Variants in HIPK2 observed in about 807,000 individuals in gnomAD.
The protein encoded by HIPK2 is homeodomain interacting protein kinase 2.
A neutral mutation model predicts 113.7 loss-of-function variants in HIPK2; 27 were observed. The ratio of observed to expected loss-of-function variants is 0.24; its 90% CI spans 0.17 to 0.33. The LOEUF (loss-of-function observed/expected upper bound fraction) is 0.33, where lower values mean the gene tolerates loss of function less well. HIPK2 is among the 10% of genes least tolerant of loss of function. HIPK2 has a pLI of 1.00. For synonymous variants in HIPK2, 631 were observed against 642.2 expected, an observed-to-expected ratio of 0.98 and a Z score of 0.26; for missense variants, 1,257 against 1,588.0, an observed-to-expected ratio of 0.79 and a Z score of 3.54.
chr7:139,623,934 T>C (rs1800331398), intron 6 of HIPK2, among the ~76,000 whole-genome samples: 1 of 152,130 alleles, frequency 6.6e-6, no homozygotes, highest in African/African-American at 2.4e-5. Context: ...AGACGTAGGA[T>C]GTGATTATTT....
chr7:139,726,961 AT>A (rs1451236417), intron 1 of HIPK2, among the ~76,000 whole-genome samples: 1 of 152,222 alleles, frequency 6.6e-6, no homozygotes, highest in Non-Finnish European at 1.5e-5. Context: ...TTTGGGGCAG[AT>A]TTTGTTTTAG....
chr7:139,681,147 C>T (rs1802686094), intron 2 of HIPK2, among the ~76,000 whole-genome samples: 1 of 152,222 alleles, frequency 6.6e-6, no homozygotes, highest in Non-Finnish European at 1.5e-5. Flanking sequence ...TCTGATGGAG[C>T]CTACAAGTTG....
chr7:139,728,391 C>G (rs143445600), intron 1 of HIPK2, among the ~76,000 whole-genome samples: 2,202 of 152,328 alleles, frequency 0.014, 29 homozygotes, highest in South Asian at 0.022. Flanking sequence ...GAGTCCAAGA[C>G]CAAGGTGTCA....
chr7:139,596,622 G>A, intron 12 of HIPK2, 95 bp downstream of exon 12: 1 of 1,494,976 alleles, frequency 6.7e-7, no homozygotes. Context: ...CAGAAGAGAG[G>A]GATCCTTATG....
intron 1 of HIPK2, among the ~76,000 whole-genome samples, chr7:139,729,376 A>G (rs1055330151): frequency 2.5e-5 from 3 of 121,346 alleles, no homozygotes; most frequent in South Asian, 2.3e-4. Flanking sequence ...AGAGAGAGAG[A>G]GAGAGAGAAT....
At position 139,756,415 on chromosome 7, in the gene HIPK2, TTTTG is replaced by T. The variant is rs539978475; in HGVS notation, c.19+21186_19+21189del. 6.6e-4 allele frequency among the ~76,000 whole-genome samples: 101 copies of T among 152,330 alleles called. No individual in the cohort carries two copies. The South Asian group carries it at 7.0e-3, about 11-fold the overall frequency. Reference sequence around the variant, plus strand: ...TAAAAATTACTAGACTTTATTTAGTTTTTGTTTGTTTGTTTGTTTGTTTTTTTGA... The same window carrying T: ...TAAAAATTACTAGACTTTATTTAGTTTTTGTTTGTTTGTTTGTTTTTTTGA... On this transcript the variant is annotated intron_variant, in intron 1 of 14. Coordinates refer to ENST00000406875, the MANE Select transcript of HIPK2 (RefSeq NM_022740.5).
rs1184555180 is a variant in HIPK2 at position 139,638,656 on chromosome 7, C to CTTT, written c.1104-6934_1104-6932dup. Among the ~76,000 whole-genome samples, 805 of 130,230 alleles carry CTTT rather than the reference C, an allele frequency of 6.2e-3. 31 individuals are homozygous for CTTT. Among genetic ancestry groups the CTTT allele is most frequent in the African/African-American group, 0.023 (747 of 32,910 alleles). 85.4% of individuals were successfully genotyped at this position (130,230 alleles called of 152,430 possible). ...CTGGAGAAAGAGAGTAAATAATTGT[C>CTTT]TTTTTTTTTTTTTTTTTTTGAGACA... On this transcript the variant is annotated intron_variant, in intron 2 of 14. Transcript: ENST00000406875.
chr7:139,642,842 C>T lies in HIPK2; in HGVS notation c.1104-11117G>A, dbSNP rs112862982. Among the ~76,000 whole-genome samples, 617 of 152,280 alleles carry T rather than the reference C, an allele frequency of 4.1e-3. 4 individuals carry two copies. The highest frequency in any genetic ancestry group is 0.014 in the African/African-American group (568 of 41,542). ...ATCCTTGGAATGGCCAAGCCAAACACCGTGGACCCCAAGATCTCTGTGCAC... is the reference window on the plus strand; with the variant it reads ...ATCCTTGGAATGGCCAAGCCAAACATCGTGGACCCCAAGATCTCTGTGCAC... On this transcript the variant is annotated intron_variant, in intron 2 of 14. Transcript: ENST00000406875.
Position 139,683,945 on chromosome 7 carries a change from G to A in HIPK2, c.1103+31987C>T, listed in dbSNP as rs77150735. ...ATTGCCCCTAGCTTGACTGAGCTTTGCAGATACCATGATTTTTTTTTTTTA... is the reference window on the plus strand; with the variant it reads ...ATTGCCCCTAGCTTGACTGAGCTTTACAGATACCATGATTTTTTTTTTTTA... On this transcript the variant is annotated intron_variant, in intron 2 of 14. Transcript: ENST00000406875. The surrounding 1 kb of genome is among the most constrained non-coding windows in gnomAD (Gnocchi z 4.2). Among the ~76,000 whole-genome samples the A allele has an allele frequency of 3.5e-5, 5 of 144,362 alleles. No homozygotes were observed. The highest frequency in any genetic ancestry group is 1.9e-4 in the East Asian group (1 of 5,134). The allele number at this position is 144,362 out of a possible 152,430, so 94.7% of individuals were successfully genotyped here. A position where few individuals can be genotyped will look rare whatever the true frequency, so the allele number is the denominator to read the frequency against.
In HIPK2 at chr7:139,613,174, C is replaced by G; in HGVS notation, c.2112+28G>C. On this transcript the variant is annotated intron_variant, in intron 9 of 14. Transcript: ENST00000406875. This position sits in a 1 kb window ranked among gnomAD's most constrained non-coding sequence, Gnocchi z 4.2. ...AACATTAACACAGGTAATGGTAATACCAGTAATAATAAAGGAGAAAGAATT... is the reference window on the plus strand; with the variant it reads ...AACATTAACACAGGTAATGGTAATAGCAGTAATAATAAAGGAGAAAGAATT... The G allele has an allele frequency of 6.2e-7, 1 of 1,612,356 alleles. No individual in the cohort carries two copies. The highest frequency in any genetic ancestry group is 1.1e-5 in the South Asian group (1 of 90,708).
intron 13 of HIPK2, 118 bp downstream of exon 13, chr7:139,583,699 G>T: frequency 7.0e-7 from 1 of 1,434,572 alleles, no homozygotes; most frequent in Non-Finnish European, 9.4e-7. Flanking sequence ...AGGGTCGCCT[G>T]CAGTCACTGG....
At chr7:139,731,862 G>C (rs1167351636) in intron 1 of HIPK2, among the ~76,000 whole-genome samples, 1 of 152,140 alleles carries the variant, frequency 6.6e-6, no homozygotes. Flanking sequence ...TTGGAGAATT[G>C]TTTCATTCCC....
chr7:139,680,770 T>A (rs1802671917), intron 2 of HIPK2, among the ~76,000 whole-genome samples: 1 of 152,152 alleles, frequency 6.6e-6, no homozygotes, highest in African/African-American at 2.4e-5. Flanking sequence ...CCACTGGGAT[T>A]TTTTTGCTGG....
At chr7:139,740,642 G>T (rs572348690) in intron 1 of HIPK2, among the ~76,000 whole-genome samples, 1 of 152,318 alleles carries the variant, frequency 6.6e-6, no homozygotes, top group East Asian at 1.9e-4. Flanking sequence ...CAAAAGAGAC[G>T]GGTCCTTCGA....
intron 7 of HIPK2, among the ~76,000 whole-genome samples, chr7:139,617,653 AGCT>A (rs1311972385): frequency 6.6e-6 from 1 of 152,224 alleles, no homozygotes; most frequent in Non-Finnish European, 1.5e-5. Context: ...AGAGGAAGTC[AGCT>A]GCCTTGAGAC....
intron 2 of HIPK2, among the ~76,000 whole-genome samples, chr7:139,696,451 C>T (rs1794570321): frequency 2.6e-5 from 4 of 151,918 alleles, no homozygotes; most frequent in African/African-American, 7.3e-5. Context: ...GGCACAGTGA[C>T]ACACACCTGT....
intron 2 of HIPK2, among the ~76,000 whole-genome samples, chr7:139,698,587 G>A (rs1794625608): frequency 6.6e-6 from 1 of 152,200 alleles, no homozygotes; most frequent in South Asian, 2.1e-4. Context: ...CGATGTAAGA[G>A]CGTTCCTGAA....
rs537776087 is a variant in HIPK2 at position 139,768,120 on chromosome 7, C to T, written c.19+9485G>A. ...TGGGAGTGGTCGCAGCTTGGACACA[C>T]AGACCAGGAGTAGAGAGAGAGAATT... is the stretch of plus-strand genomic sequence containing the variant. On this transcript the variant is annotated intron_variant, in intron 1 of 14. Transcript: ENST00000406875. Among the ~76,000 whole-genome samples the T allele has an allele frequency of 2.6e-5, 4 of 152,366 alleles. 1 individual carries two copies. Among genetic ancestry groups the T allele is most frequent in the African/African-American group, 9.6e-5 (4 of 41,576 alleles).
At chr7:139,722,625 A>G (rs1462012479) in intron 1 of HIPK2, among the ~76,000 whole-genome samples, 1 of 152,068 alleles carries the variant, frequency 6.6e-6, no homozygotes, top group East Asian at 1.9e-4. Context: ...AATCTTGAGT[A>G]CTAAGTACAC....
Sources: gnomAD v4.1 joint callset for allele counts (sites outside exome capture counted in the v4.1 genomes callset) on GRCh38, gnomAD v4.1.1 for gene constraint, Gnocchi (gnomAD v3.1) non-coding constraint, MANE v1.5 for transcripts, NCBI Gene and HGNC (gene_info 2026-07-23, HGNC 2026-07-21) for gene names.